TAFA4: variants seen among roughly 807,000 people sequenced by gnomAD.
TAFA4 encodes chemokine-like protein TAFA-4.
Under a neutral mutation model 21.1 loss-of-function variants are expected in TAFA4, and 20 were observed. The observed-to-expected ratio is 0.95, with a 90% CI of 0.67 to 1.38. TAFA4 has a LOEUF of 1.38. Among genes scored for constraint, TAFA4 ranks in the 40% most tolerant of loss-of-function variants. TAFA4 has a pLI of 0.00. For synonymous variants in TAFA4, 71 were observed against 67.4 expected (o/e 1.05, Z -0.26); for missense variants, 211 against 180.9 (o/e 1.17, Z -0.95).
At chr3:68,880,654 G>T (rs904406098) in intron 3 of TAFA4, 76 bp downstream of exon 3, 37 of 1,191,474 alleles carry the variant, frequency 3.1e-5, no homozygotes, top group Middle Eastern at 1.9e-4. Context: ...TCAGTTATCT[G>T]TGTCTAAAAT....
In TAFA4 at chr3:68,880,715, G is replaced by A. The variant is rs771354881; in HGVS notation, c.130+15C>T. 19 of 1,610,186 alleles carry A rather than the reference G, an allele frequency of 1.2e-5. No homozygotes were observed. In the East Asian group the frequency reaches 4.0e-4, roughly 34 times the overall value. On this transcript the variant is annotated intron_variant, in intron 3 of 5. Coordinates refer to ENST00000295569, the MANE Select transcript of TAFA4 (RefSeq NM_182522.5). ...TTATTATCTCAGCAGTGCATAATGA[G>A]CTTAAAGGGCTTACCTGCATGTCCC...
intron 3 of TAFA4, among the ~76,000 whole-genome samples, chr3:68,759,887 G>A (rs1009357041): frequency 6.6e-6 from 1 of 152,066 alleles, no homozygotes; most frequent in Non-Finnish European, 1.5e-5. Context: ...TGGGCAGATG[G>A]GGGGTAGATG....
chr3:68,912,618 T>A (rs1010376447), intron 1 of TAFA4, among the ~76,000 whole-genome samples: 3 of 152,194 alleles, frequency 2.0e-5, no homozygotes, highest in Non-Finnish European at 2.9e-5. Context: ...GCCGCTGCAT[T>A]CAAAGAGAAT....
intron 3 of TAFA4, among the ~76,000 whole-genome samples, chr3:68,785,214 C>G (rs1019484998): frequency 3.3e-5 from 5 of 152,262 alleles, no homozygotes; most frequent in African/African-American, 1.2e-4. Flanking sequence ...TAAAGGTTCT[C>G]CAAGTCCTCA....
chr3:68,867,196 T>A (rs2089430771), intron 3 of TAFA4, among the ~76,000 whole-genome samples: 1 of 152,062 alleles, frequency 6.6e-6, no homozygotes, highest in South Asian at 2.1e-4. Context: ...GGAAAGCAGC[T>A]AATAACATGT....
chr3:68,789,855 G>T (rs527447686), intron 3 of TAFA4, among the ~76,000 whole-genome samples: 1 of 152,074 alleles, frequency 6.6e-6, no homozygotes, highest in Non-Finnish European at 1.5e-5. Context: ...CAATAAAACC[G>T]TGGTAACCTC....
chr3:68,813,043 A>G (rs1387420171), intron 3 of TAFA4, among the ~76,000 whole-genome samples: 3 of 152,156 alleles, frequency 2.0e-5, no homozygotes, highest in Non-Finnish European at 4.4e-5. Flanking sequence ...GCTCAACTAC[A>G]TGGAAACTGA....
rs544177928 is a variant in TAFA4 at position 68,758,788 on chromosome 3, C to T, written c.131-5770G>A. On this transcript the variant is annotated intron_variant, in intron 3 of 5. Transcript: ENST00000295569. ...GAAAATAAGGATCCAGTGTGAATGG[C>T]GCATAGAAATTGCTGCTTATAATTG... Among the ~76,000 whole-genome samples, 33 of 152,248 alleles carry T rather than the reference C, an allele frequency of 2.2e-4. 1 individual carries two copies. In the East Asian group the frequency reaches 5.0e-3, roughly 23 times the overall value.
At chr3:68,759,071 A>G (rs1559761333) in intron 3 of TAFA4, among the ~76,000 whole-genome samples, 1 of 152,342 alleles carries the variant, frequency 6.6e-6, no homozygotes, top group East Asian at 1.9e-4. Context: ...CAGCAGTCTT[A>G]AGGCCCAGCA....
chr3:68,821,366 T>G (rs1394807467), intron 3 of TAFA4, among the ~76,000 whole-genome samples: 1 of 9,794 alleles, frequency 1.0e-4, no homozygotes, highest in Non-Finnish European at 1.7e-4. Flanking sequence ...TTTTTTTTTT[T>G]GAGACGGAGT....
chr3:68,876,250 C>T (rs1024964457), intron 3 of TAFA4, among the ~76,000 whole-genome samples: 1 of 152,126 alleles, frequency 6.6e-6, no homozygotes, highest in Non-Finnish European at 1.5e-5. Flanking sequence ...TTCAGCGCAG[C>T]TTTATAACAT....
intron 3 of TAFA4, among the ~76,000 whole-genome samples, chr3:68,797,716 A>C (rs2106822306): frequency 6.6e-6 from 1 of 152,238 alleles, no homozygotes; most frequent in African/African-American, 2.4e-5. Flanking sequence ...CAAAAAGAAA[A>C]ATACCATACG....
rs192209491 is a variant in TAFA4, at chr3:68,848,060, C to T, written c.130+32670G>A. On this transcript the variant is annotated intron_variant, in intron 3 of 5. Coordinates refer to ENST00000295569, the MANE Select transcript of TAFA4 (RefSeq NM_182522.5). ...TTTACATACAATAATGCATTTAATC[C>T]TCATAAATGTATTAAAAGGTAGATG... 2.0e-3 allele frequency among the ~76,000 whole-genome samples: 299 copies of T among 152,264 alleles called. 9 individuals are homozygous for T. Among genetic ancestry groups the T allele is most frequent in the Non-Finnish European group, 2.5e-4 (17 of 68,020 alleles).
intron 3 of TAFA4, among the ~76,000 whole-genome samples, chr3:68,862,905 G>C (rs113420896): frequency 0.03 from 4,494 of 151,306 alleles, 198 homozygotes; most frequent in Non-Finnish European, 0.032. Context: ...AGGTTCCCCA[G>C]CTAAAATGAG....
chr3:68,808,165 A>G (rs1703745245), intron 3 of TAFA4, among the ~76,000 whole-genome samples: 1 of 152,220 alleles, frequency 6.6e-6, no homozygotes, highest in South Asian at 2.1e-4. Context: ...GTTACTAGTC[A>G]GAGTAGAGAG....
chr3:68,752,867 A>T lies in TAFA4; in HGVS notation c.282T>A (p.Val94=). Residue 94 remains valine (V), a synonymous_variant, in exon 4 of 6, where the codon GTT becomes GTA. Coordinates refer to ENST00000295569, the MANE Select transcript of TAFA4 (RefSeq NM_182522.5). ...TGCTGACCAGAGAGGTCTTACCTTC[A>T]ACACAAGAAGGTTGAGCCCGAGTTG... ...AGTTRAQPSC[V]EASIVIQKWW... The T allele has an allele frequency of 1.9e-6, 3 of 1,614,078 alleles. No individual in the cohort carries two copies. Among genetic ancestry groups the T allele is most frequent in the Non-Finnish European group, 2.5e-6 (3 of 1,180,010 alleles).
intron 1 of TAFA4, among the ~76,000 whole-genome samples, chr3:68,892,641 A>C (rs2089742070): frequency 6.6e-6 from 1 of 152,242 alleles, no homozygotes; most frequent in African/African-American, 2.4e-5. Flanking sequence ...GAGATGATTT[A>C]AATAAATAGA....
At chr3:68,862,810 T>C (rs1441770359) in intron 3 of TAFA4, among the ~76,000 whole-genome samples, 13 of 151,528 alleles carry the variant, frequency 8.6e-5, no homozygotes, top group Non-Finnish European at 1.8e-4. Flanking sequence ...GCTAAGCAAT[T>C]TGTTACATCA....
At chr3:68,777,201 C>T (rs1373481176) in intron 3 of TAFA4, among the ~76,000 whole-genome samples, 1 of 151,856 alleles carries the variant, frequency 6.6e-6, no homozygotes, top group Non-Finnish European at 1.5e-5. Context: ...TAATAATACA[C>T]TATGGAATTT....
Sources: gnomAD v4.1 joint callset for allele counts (sites outside exome capture counted in the v4.1 genomes callset) on GRCh38, gnomAD v4.1.1 for gene constraint, MANE v1.5 for transcripts, NCBI Gene and HGNC (gene_info 2026-07-23, HGNC 2026-07-21) for gene names.